UNC13C: variants seen among roughly 807,000 people sequenced by gnomAD.
The protein encoded by UNC13C is protein unc-13 homolog C.
UNC13C carries 174 observed loss-of-function variants against 245.4 expected under a neutral mutation model. The ratio of observed to expected loss-of-function variants is 0.71; its 90% confidence interval spans 0.63 to 0.80. UNC13C has a LOEUF of 0.80. Among genes scored for constraint, UNC13C ranks in the 30% least tolerant of loss-of-function variants. The pLI is 0.00. For missense variants in UNC13C, 2,829 were observed against 2,602.9 expected, an observed-to-expected ratio of 1.09 and a Z score of -1.89; for synonymous variants, 992 against 895.1, an observed-to-expected ratio of 1.11 and a Z score of -1.93.
chr15:54,030,248 C>T (rs1360959187), intron 2 of UNC13C, among the ~76,000 whole-genome samples: 1 of 152,166 alleles, frequency 6.6e-6, no homozygotes, highest in Non-Finnish European at 1.5e-5. Context: ...GAGGTCATGA[C>T]TATTAATATC....
intron 19 of UNC13C, among the ~76,000 whole-genome samples, chr15:54,456,142 C>T (rs932333152): frequency 2.3e-4 from 35 of 151,650 alleles, no homozygotes; most frequent in Non-Finnish European, 4.4e-4. Context: ...CCCACTTTGC[C>T]GAGCATCAGT....
chr15:54,371,295 T>A (rs904405822), intron 17 of UNC13C, among the ~76,000 whole-genome samples: 2 of 152,186 alleles, frequency 1.3e-5, no homozygotes, highest in African/African-American at 4.8e-5. Context: ...TTGTTTTTAA[T>A]ACCTGATATT....
chr15:54,542,480 T>C (rs1378329032), intron 26 of UNC13C, among the ~76,000 whole-genome samples: 1 of 152,132 alleles, frequency 6.6e-6, no homozygotes, highest in African/African-American at 2.4e-5. Context: ...ATTCTGTTGA[T>C]ATGTGGTGGA....
At chr15:54,193,597 C>G (rs2034259471) in intron 4 of UNC13C, among the ~76,000 whole-genome samples, 1 of 152,114 alleles carries the variant, frequency 6.6e-6, no homozygotes. Context: ...ACCCCCAGCC[C>G]TTCAGTCAAC....
the UNC13C span, among the ~76,000 whole-genome samples, chr15:53,965,539 CTTATTTATTTAT>C: frequency 1.0e-3 from 146 of 144,754 alleles, 1 homozygote; most frequent in South Asian, 0.01. Flanking sequence ...TTTTTTTTCC[CTTATTTATTTAT>C]TTATTTATTT....
intron 2 of UNC13C, among the ~76,000 whole-genome samples, chr15:54,053,158 G>C (rs1897345151): frequency 6.6e-6 from 1 of 151,750 alleles, no homozygotes; most frequent in Admixed American, 6.6e-5. Flanking sequence ...ACCACTACAG[G>C]TGTGCGCCAC....
At chr15:54,401,757 G>A (rs975186927) in intron 18 of UNC13C, among the ~76,000 whole-genome samples, 1 of 152,012 alleles carries the variant, frequency 6.6e-6, no homozygotes, top group African/African-American at 2.4e-5. Context: ...ACTCTTCAGC[G>A]CTGCCTTAAA....
At chr15:54,159,397 A>G (rs1364109264) in intron 4 of UNC13C, among the ~76,000 whole-genome samples, 1 of 152,226 alleles carries the variant, frequency 6.6e-6, no homozygotes, top group Non-Finnish European at 1.5e-5. Flanking sequence ...AACCAAGTCA[A>G]CACTTTATTA....
At chr15:53,863,901 A>C in the UNC13C span, among the ~76,000 whole-genome samples, 18 of 152,238 alleles carry the variant, frequency 1.2e-4, no homozygotes, top group African/African-American at 4.3e-4. Context: ...TCATTCAATA[A>C]CTGGTGGAGT....
chr15:54,436,157 A>G (rs1434062589), intron 19 of UNC13C, among the ~76,000 whole-genome samples: 1 of 152,066 alleles, frequency 6.6e-6, no homozygotes, highest in African/African-American at 2.4e-5. Context: ...TAGTTCAACT[A>G]TTATGGAAGA....
the UNC13C span, among the ~76,000 whole-genome samples, chr15:53,905,497 C>A: frequency 9.6e-4 from 145 of 151,122 alleles, 1 homozygote; most frequent in African/African-American, 3.4e-3. Flanking sequence ...GAAGACATTA[C>A]GCCAAATGAG....
chr15:54,373,909 C>A (rs1036476247), intron 17 of UNC13C, among the ~76,000 whole-genome samples: 2 of 152,122 alleles, frequency 1.3e-5, no homozygotes, highest in Non-Finnish European at 2.9e-5. Flanking sequence ...AACAGTACAG[C>A]TCTCTGGAGA....
intron 17 of UNC13C, among the ~76,000 whole-genome samples, chr15:54,379,171 T>C (rs2039669012): frequency 6.6e-6 from 1 of 152,108 alleles, no homozygotes; most frequent in Non-Finnish European, 1.5e-5. Context: ...TTGAGAAAAC[T>C]AGTAATCCCT....
chr15:54,435,951 GAC>G (rs1208143069), intron 19 of UNC13C, among the ~76,000 whole-genome samples: 3 of 151,744 alleles, frequency 2.0e-5, no homozygotes, highest in Admixed American at 1.3e-4. Flanking sequence ...CTCAAAAAAA[GAC>G]AGTTATGTGG....
upstream of UNC13C, among the ~76,000 whole-genome samples, chr15:53,975,752 TTATGTCTTGGGG>T (rs1278424115): frequency 6.6e-6 from 1 of 152,212 alleles, no homozygotes; most frequent in Non-Finnish European, 1.5e-5. Context: ...CTGGCTCAGC[TTATGTCTTGGGG>T]TATGAGAGGT....
intron 30 of UNC13C, among the ~76,000 whole-genome samples, chr15:54,612,662 T>C (rs555292693): frequency 1.9e-4 from 29 of 152,116 alleles, no homozygotes; most frequent in African/African-American, 6.7e-4. Flanking sequence ...CACAGTCTTA[T>C]TTTGTTTGCT....
intron 19 of UNC13C, among the ~76,000 whole-genome samples, chr15:54,492,003 A>C (rs1185143396): frequency 1.3e-5 from 2 of 152,014 alleles, no homozygotes; most frequent in East Asian, 3.9e-4. Context: ...AAAAAAAAAA[A>C]ACAATTTAGG....
At chr15:54,350,355 A>G (rs1186060599) in intron 17 of UNC13C, among the ~76,000 whole-genome samples, 2 of 152,234 alleles carry the variant, frequency 1.3e-5, no homozygotes, top group African/African-American at 4.8e-5. Flanking sequence ...TGAAAAAAAT[A>G]GGCAAACACC....
At chr15:54,322,966 G>C (rs976377327) in intron 14 of UNC13C, among the ~76,000 whole-genome samples, 1 of 151,550 alleles carries the variant, frequency 6.6e-6, no homozygotes, top group Non-Finnish European at 1.5e-5. Context: ...TGGGTAGGCA[G>C]TAGCGCTGTT....
Sources: gnomAD v4.1 joint callset for allele counts (sites outside exome capture counted in the v4.1 genomes callset) on GRCh38, gnomAD v4.1.1 for gene constraint, MANE v1.5 for transcripts, NCBI Gene and HGNC (gene_info 2026-07-23, HGNC 2026-07-21) for gene names.